Variants in STARD9 observed in about 807,000 individuals in gnomAD.
STARD9 encodes the protein stAR-related lipid transfer protein 9.
A neutral mutation model predicts 399.8 loss-of-function variants in STARD9; 346 were observed. The observed-to-expected ratio is 0.87, with a 90% CI of 0.79 to 0.95. The LOEUF (loss-of-function observed/expected upper bound fraction) is 0.95. Among genes scored for constraint, STARD9 ranks in the 40% least tolerant of loss-of-function variants. STARD9 has a pLI of 0.00. For missense variants in STARD9, 5,832 were observed against 5,667.5 expected (o/e 1.03, Z -0.93); for synonymous variants, 2,203 against 2,143.5 (o/e 1.03, Z -0.77).
intron 3 of STARD9, among the ~76,000 whole-genome samples, chr15:42,608,314 T>A (rs1468001838): frequency 1.3e-5 from 2 of 152,114 alleles, no homozygotes; most frequent in African/African-American, 4.8e-5. Flanking sequence ...GCCAGCCGGA[T>A]GCGTGAGGTG....
chr15:42,586,379 C>T (rs190352047), intron 3 of STARD9, among the ~76,000 whole-genome samples: 6 of 152,132 alleles, frequency 3.9e-5, no homozygotes, highest in African/African-American at 7.2e-5. Context: ...GTTGGTCACC[C>T]GTCATGTGTC....
Position 42,669,319 on chromosome 15 carries a change from T to C in STARD9, c.1479T>C (p.Val493=). 6.6e-7 allele frequency: 1 copy of C among 1,523,656 alleles called. No individual in the cohort carries two copies. Among genetic ancestry groups the C allele is most frequent in the Non-Finnish European group, 8.8e-7 (1 of 1,135,734 alleles). 94.4% of individuals were successfully genotyped at this position (1,523,656 alleles called of 1,614,324 possible). ...ALEDDVLSTG[V]VLYHLKEGTT... Reference sequence around the variant, plus strand: ...AGGATGATGTGCTCAGCACAGGTGTTGTGCTCTATCATCTCAAGGTGAGGA... The same window carrying C: ...AGGATGATGTGCTCAGCACAGGTGTCGTGCTCTATCATCTCAAGGTGAGGA... The change falls in exon 16 of 33, where the codon GTT becomes GTC. Residue 493 remains valine, a synonymous_variant. Coordinates refer to ENST00000290607, the MANE Select transcript of STARD9 (RefSeq NM_020759.3).
intron 3 of STARD9, among the ~76,000 whole-genome samples, chr15:42,590,933 G>A (rs1384348171): frequency 1.3e-5 from 2 of 152,166 alleles, no homozygotes; most frequent in African/African-American, 2.4e-5. Flanking sequence ...AACATTGGGG[G>A]TCACATTTCA....
chr15:42,661,342 A>C, intron 10 of STARD9, 117 bp downstream of exon 10: 1 of 748,552 alleles, frequency 1.3e-6, no homozygotes, highest in Admixed American at 2.5e-5. Flanking sequence ...CAAAAGAAAT[A>C]AGCTCTTTGA....
At chr15:42,715,755 G>A (rs1477302810) in intron 26 of STARD9, among the ~76,000 whole-genome samples, 4 of 152,064 alleles carry the variant, frequency 2.6e-5, no homozygotes, top group African/African-American at 7.2e-5. Flanking sequence ...GTGATCTACC[G>A]CCTTGGCCTC....
chr15:42,609,958 T>C (rs541318568), intron 3 of STARD9, among the ~76,000 whole-genome samples: 1 of 152,010 alleles, frequency 6.6e-6, no homozygotes, highest in Admixed American at 6.6e-5. Context: ...CTGAGCATGG[T>C]GGTGGGCTCC....
In STARD9 at chr15:42,629,325, T is replaced by C. The variant is rs558604607; in HGVS notation, c.235-5531T>C. On this transcript the variant is annotated intron_variant, in intron 3 of 32. Coordinates refer to ENST00000290607, the MANE Select transcript of STARD9 (RefSeq NM_020759.3). ...TCAACCACTGTGCCTGGCCTATAGT[T>C]TTCATTGTAGAGGTCTTTCATTTTG... Among the ~76,000 whole-genome samples the C allele has an allele frequency of 4.6e-5, 7 of 152,326 alleles. No homozygotes were observed. In the South Asian group the frequency reaches 1.5e-3, roughly 32 times the overall value.
At chr15:42,660,133 G>GA (rs1371770773) in intron 9 of STARD9, among the ~76,000 whole-genome samples, 1 of 152,202 alleles carries the variant, frequency 6.6e-6, no homozygotes, top group African/African-American at 2.4e-5. Flanking sequence ...GAAACATTCT[G>GA]AAAAGGTAGA....
At chr15:42,622,287 A>G (rs960619897) in intron 3 of STARD9, among the ~76,000 whole-genome samples, 2 of 152,174 alleles carry the variant, frequency 1.3e-5, no homozygotes, top group Non-Finnish European at 2.9e-5. Flanking sequence ...AAAACAAAGA[A>G]AAAGAATAAT....
chr15:42,676,617 T>C (rs1045889424), intron 20 of STARD9, among the ~76,000 whole-genome samples: 1 of 152,242 alleles, frequency 6.6e-6, no homozygotes, highest in African/African-American at 2.4e-5. Flanking sequence ...CAACTACTTT[T>C]CTACTTCATA....
At chr15:42,695,078 GATGGA>G (rs1424563396) in intron 24 of STARD9, 57 bp from the exon 25 acceptor site, 1 of 1,351,866 alleles carries the variant, frequency 7.4e-7, no homozygotes, top group East Asian at 2.5e-5. Flanking sequence ...GCTAGCCTTG[GATGGA>G]CAGACCAGGA....
chr15:42,590,704 G>C (rs377167672), intron 3 of STARD9, among the ~76,000 whole-genome samples: 12 of 152,312 alleles, frequency 7.9e-5, no homozygotes, highest in African/African-American at 2.9e-4. Context: ...GTTGCTGAGG[G>C]TTCAGAGAGC....
At position 42,687,259 on chromosome 15, in the gene STARD9, G is replaced by T; in HGVS notation, c.5681G>T (p.Cys1894Phe). 6.5e-7 allele frequency: 1 copy of T among 1,537,024 alleles called. No homozygotes were observed. Among genetic ancestry groups the T allele is most frequent in the African/African-American group, 1.4e-5 (1 of 73,172 alleles). ...LEGGEVTAQS[C>F]CGASSDSTES... Reference sequence around the variant, plus strand: ...GGAGGAGAGGTCACTGCTCAGTCCTGTTGCGGTGCTTCCTCAGACAGCACT... The same window carrying T: ...GGAGGAGAGGTCACTGCTCAGTCCTTTTGCGGTGCTTCCTCAGACAGCACT... Residue 1894 changes from cysteine to phenylalanine, a missense_variant, in exon 23 of 33, where the codon TGT becomes TTT. This residue lies in a region of STARD9 where 5,828 missense variants were observed against 5,651.1 expected (regional missense o/e 1.03). Coordinates refer to ENST00000290607, the MANE Select transcript of STARD9 (RefSeq NM_020759.3).
At position 42,691,752 on chromosome 15, in the gene STARD9, G is replaced by T; in HGVS notation, c.10174G>T (p.Asp3392Tyr). 1 of 1,537,258 alleles carries T rather than the reference G, an allele frequency of 6.5e-7. No homozygotes were observed. Among genetic ancestry groups the T allele is most frequent in the Non-Finnish European group, 8.7e-7 (1 of 1,146,918 alleles). ...SNQKASSRLD[D>Y]GTTDHRHLKP... is the part of the protein sequence containing the mutation. ...TCAGAAAGCCTCATCTCGCTTGGAT[G>T]ATGGGACTACCGATCACAGGCACCT... The change falls in exon 23 of 33, where the codon GAT (aspartate) becomes TAT (tyrosine). Residue 3392 changes from aspartate to tyrosine, a missense_variant. By Grantham distance (160) the Asp-to-Tyr change is radical (BLOSUM62 -3). This residue lies in a region of STARD9 where 5,828 missense variants were observed against 5,651.1 expected (regional missense o/e 1.03). Coordinates refer to ENST00000290607, the MANE Select transcript of STARD9 (RefSeq NM_020759.3).
intron 26 of STARD9, among the ~76,000 whole-genome samples, chr15:42,705,931 T>A: frequency 6.6e-6 from 1 of 152,006 alleles, no homozygotes; most frequent in East Asian, 1.9e-4. Flanking sequence ...TTTTGTGTTT[T>A]TAGTAGAGAT....
intron 3 of STARD9, among the ~76,000 whole-genome samples, chr15:42,597,654 G>T (rs1192795023): frequency 1.3e-5 from 2 of 151,996 alleles, no homozygotes; most frequent in Non-Finnish European, 2.9e-5. Context: ...CTCCGCCTCA[G>T]CCTCCCAACT....
At chr15:42,635,434 A>G (rs1184465477) in intron 4 of STARD9, among the ~76,000 whole-genome samples, 3 of 151,894 alleles carry the variant, frequency 2.0e-5, no homozygotes, top group East Asian at 3.9e-4. Flanking sequence ...GGTTCACGCT[A>G]TTCTCCTGCC....
chr15:42,600,526 CTTT>C (rs796979908), intron 3 of STARD9, among the ~76,000 whole-genome samples: 7 of 139,476 alleles, frequency 5.0e-5, no homozygotes, highest in Non-Finnish European at 6.3e-5. Context: ...TTCTTTCTTT[CTTT>C]TTTTTTTTTT....
intron 2 of STARD9, 102 bp downstream of exon 2, chr15:42,583,517 G>A: frequency 5.1e-6 from 4 of 789,662 alleles, no homozygotes; most frequent in South Asian, 5.0e-5. Flanking sequence ...TTAGAGTTGG[G>A]GAGGAAGGGG....
Sources: allele counts gnomAD v4.1 joint callset (sites outside exome capture counted in the v4.1 genomes callset), GRCh38; gene constraint gnomAD v4.1.1; regional missense constraint gnomAD v4.1.1; transcripts MANE v1.5; gene names NCBI Gene and HGNC (gene_info 2026-07-23, HGNC 2026-07-21).